The following ANOS1 variants were observed in gnomAD, a reference collection of about 807,000 sequenced individuals.
ANOS1 encodes anosmin 1, also known as anosmin-1.
In ANOS1, 6 loss-of-function variants were observed where a neutral mutation model predicts 59.0. That is an observed-to-expected ratio of 0.10 (90% CI 0.06 to 0.20). The LOEUF is 0.20. Ranked by LOEUF, ANOS1 falls within the 10% of genes least tolerant of loss-of-function variation. The pLI, the probability that ANOS1 is intolerant of heterozygous loss-of-function variation, is 1.00. For missense variants in ANOS1, 433 were observed against 542.3 expected (o/e 0.80, Z 2.00); for synonymous variants, 217 against 223.4 (o/e 0.97, Z 0.25).
At chrX:8,657,467 C>CTTTTT (rs1324799667) in intron 2 of ANOS1, among the ~76,000 whole-genome samples, 4 of 83,958 alleles carry the variant, frequency 4.8e-5, no homozygotes, top group Admixed American at 1.3e-4. Flanking sequence ...ACTGTGCTTG[C>CTTTTT]TTTTTTTTTT....
intron 2 of ANOS1, among the ~76,000 whole-genome samples, chrX:8,647,542 G>A (rs1168286218): frequency 3.6e-5 from 4 of 111,661 alleles, no homozygotes; most frequent in Admixed American, 1.9e-4. Flanking sequence ...ATAGCAAGTC[G>A]CACTAACACT....
chrX:8,670,162 G>A (rs1488996443), intron 2 of ANOS1, among the ~76,000 whole-genome samples: 1 of 110,387 alleles, frequency 9.1e-6, no homozygotes, highest in Non-Finnish European at 1.9e-5. Context: ...ATTCAGGAGT[G>A]GTTCCCCATC....
intron 8 of ANOS1, among the ~76,000 whole-genome samples, chrX:8,559,413 C>A (rs948913559): frequency 1.8e-5 from 2 of 111,316 alleles, no homozygotes; most frequent in African/African-American, 6.5e-5. Flanking sequence ...CAAAACTGAA[C>A]AAGAAGGATT....
intron 2 of ANOS1, among the ~76,000 whole-genome samples, chrX:8,667,323 G>A (rs1230503578): frequency 1.8e-5 from 2 of 109,557 alleles, no homozygotes; most frequent in African/African-American, 6.7e-5. Flanking sequence ...GGGGATGGGG[G>A]TGGGGAGTTG....
intron 3 of ANOS1, among the ~76,000 whole-genome samples, chrX:8,623,215 G>C (rs1402831568): frequency 1.8e-5 from 2 of 111,438 alleles, no homozygotes; most frequent in Non-Finnish European, 3.8e-5. Flanking sequence ...GGAACAAAGA[G>C]ATGAAAATAT....
intron 9 of ANOS1, among the ~76,000 whole-genome samples, chrX:8,544,440 T>C (rs1929734438): frequency 1.0e-5 from 1 of 97,991 alleles, no homozygotes; most frequent in Non-Finnish European, 2.1e-5. Flanking sequence ...AGTCCTCTCA[T>C]GGATCAATGC....
At chrX:8,591,676 C>A (rs931527287) in intron 4 of ANOS1, among the ~76,000 whole-genome samples, 1 of 112,022 alleles carries the variant, frequency 8.9e-6, no homozygotes, top group African/African-American at 3.2e-5. Flanking sequence ...CCATTAAAGT[C>A]AGTTGGCTCC....
chrX:8,647,630 A>G (rs1931782780), intron 2 of ANOS1, among the ~76,000 whole-genome samples: 1 of 112,192 alleles, frequency 8.9e-6, no homozygotes, highest in Non-Finnish European at 1.9e-5. Flanking sequence ...ATAATTCTGG[A>G]ATCTTTATGT....
chrX:8,548,283 A>G (rs1458165142), intron 9 of ANOS1, among the ~76,000 whole-genome samples: 1 of 111,951 alleles, frequency 8.9e-6, no homozygotes, highest in East Asian at 2.8e-4. Context: ...TTGTTTTTAC[A>G]CCCTATTATT....
intron 2 of ANOS1, among the ~76,000 whole-genome samples, chrX:8,679,358 A>G (rs1385845884): frequency 9.0e-6 from 1 of 111,256 alleles, no homozygotes; most frequent in Non-Finnish European, 1.9e-5. Context: ...ACTCGAATTC[A>G]TAGAGAAGGA....
intron 4 of ANOS1, among the ~76,000 whole-genome samples, chrX:8,590,705 C>T (rs967489379): frequency 8.9e-6 from 1 of 111,957 alleles, no homozygotes; most frequent in African/African-American, 3.3e-5. Flanking sequence ...TCAATGTTTG[C>T]TGAACTAATA....
intron 4 of ANOS1, among the ~76,000 whole-genome samples, chrX:8,588,774 G>T (rs764398687): frequency 8.9e-6 from 1 of 112,120 alleles, no homozygotes; most frequent in African/African-American, 3.2e-5. Context: ...AAGAACCACA[G>T]TTCAAAATAG....
At chrX:8,653,566 C>T (rs1931882803) in intron 2 of ANOS1, among the ~76,000 whole-genome samples, 1 of 111,911 alleles carries the variant, frequency 8.9e-6, no homozygotes, top group African/African-American at 3.2e-5. Context: ...ACAATCTCTG[C>T]CTTACTTCCT....
At chrX:8,704,048 T>C (rs754765530) in intron 1 of ANOS1, among the ~76,000 whole-genome samples, 2 of 110,360 alleles carry the variant, frequency 1.8e-5, no homozygotes, top group African/African-American at 3.3e-5. Flanking sequence ...ATTCTCGTGA[T>C]AGTAAGTCTC....
chrX:8,665,843 T>C (rs778645543), intron 2 of ANOS1, among the ~76,000 whole-genome samples: 3 of 112,350 alleles, frequency 2.7e-5, no homozygotes, highest in Non-Finnish European at 3.8e-5. Flanking sequence ...GATGATATTC[T>C]TTAACATTTA....
intron 2 of ANOS1, among the ~76,000 whole-genome samples, chrX:8,652,718 C>T (rs1474566695): frequency 9.0e-6 from 1 of 111,706 alleles, no homozygotes; most frequent in Non-Finnish European, 1.9e-5. Context: ...ATGCCTCACA[C>T]AAGGATAGCA....
At chrX:8,669,674 T>G (rs1451080017) in intron 2 of ANOS1, among the ~76,000 whole-genome samples, 1 of 112,064 alleles carries the variant, frequency 8.9e-6, no homozygotes. Flanking sequence ...ATGTGTACTA[T>G]TATGTATGTA....
intron 2 of ANOS1, among the ~76,000 whole-genome samples, chrX:8,646,835 A>G (rs1931765659): frequency 9.3e-6 from 1 of 107,325 alleles, no homozygotes; most frequent in Non-Finnish European, 1.9e-5. Flanking sequence ...TGGGAGGCTA[A>G]GGCAGGAGGA....
intron 1 of ANOS1, among the ~76,000 whole-genome samples, chrX:8,716,677 C>T (rs1354463945): frequency 3.6e-5 from 4 of 111,668 alleles, no homozygotes; most frequent in Non-Finnish European, 7.5e-5. Flanking sequence ...TGTGTCTGTG[C>T]ACCCCAGTTC....
Sources: gnomAD v4.1 joint callset for allele counts (sites outside exome capture counted in the v4.1 genomes callset) on GRCh38, gnomAD v4.1.1 for gene constraint, MANE v1.5 for transcripts, NCBI Gene and HGNC (gene_info 2026-07-23, HGNC 2026-07-21) for gene names.